NYAP2: variants seen among roughly 807,000 people sequenced by gnomAD.
NYAP2 encodes the protein neuronal tyrosine-phosphorylated phosphoinositide-3-kinase adapter 2.
NYAP2 carries 23 observed loss-of-function variants against 50.4 expected under a neutral mutation model. That is an observed-to-expected ratio of 0.46 (90% CI 0.33 to 0.65). NYAP2 has a LOEUF of 0.65. Among genes scored for constraint, NYAP2 ranks in the 30% least tolerant of loss-of-function variants. The pLI is 0.02. For synonymous variants in NYAP2, 394 were observed against 365.2 expected, an observed-to-expected ratio of 1.08 and a Z score of -0.90; for missense variants, 885 against 861.0, an observed-to-expected ratio of 1.03 and a Z score of -0.35.
chr2:225,518,116 A>T (rs1356538258), intron 4 of NYAP2, among the ~76,000 whole-genome samples: 1 of 152,062 alleles, frequency 6.6e-6, no homozygotes, highest in Admixed American at 6.6e-5. Flanking sequence ...ATTCATACAC[A>T]TACACACACA....
intron 5 of NYAP2, among the ~76,000 whole-genome samples, chr2:225,613,429 C>T (rs916447098): frequency 6.6e-6 from 1 of 152,162 alleles, no homozygotes; most frequent in Non-Finnish European, 1.5e-5. Context: ...GTCTTCCTCT[C>T]CCAGTCCACT....
In NYAP2 at chr2:225,614,505, A is replaced by T. The variant is rs185050621; in HGVS notation, c.1619-12412A>T. On this transcript the variant is annotated intron_variant, in intron 5 of 6. Coordinates refer to ENST00000636099, the Ensembl canonical transcript of NYAP2. ...TATTTACTAAAGCCAGAGGATTTAA[A>T]ATATCTATTCAATACTCAATAAAGA... 2.0e-5 allele frequency among the ~76,000 whole-genome samples: 3 copies of T among 152,318 alleles called. No individual in the cohort carries two copies. In the East Asian group the frequency reaches 5.8e-4, roughly 29 times the overall value.
intron 3 of NYAP2, among the ~76,000 whole-genome samples, chr2:225,423,178 A>G (rs186134701): frequency 3.5e-4 from 54 of 152,300 alleles, no homozygotes; most frequent in African/African-American, 1.2e-3. Context: ...CTCTGCAGTT[A>G]TATGATTGCA....
intron 4 of NYAP2, among the ~76,000 whole-genome samples, chr2:225,532,419 A>G (rs1691274206): frequency 6.6e-6 from 1 of 152,134 alleles, no homozygotes; most frequent in Non-Finnish European, 1.5e-5. Context: ...TTTTCTTGTT[A>G]AGTAGGAGGG....
At chr2:225,655,165 T>G (rs1693802665), downstream of NYAP2, among the ~76,000 whole-genome samples, 3 of 152,208 alleles carry the variant, frequency 2.0e-5, no homozygotes, top group Admixed American at 2.0e-4. Flanking sequence ...TGTAGAAATG[T>G]ATAATTGTAT....
At chr2:225,416,935 T>A (rs1040772193) in intron 3 of NYAP2, among the ~76,000 whole-genome samples, 1 of 152,118 alleles carries the variant, frequency 6.6e-6, no homozygotes, top group South Asian at 2.1e-4. Context: ...CCATGGCAAA[T>A]TGAATGATTA....
intron 3 of NYAP2, among the ~76,000 whole-genome samples, chr2:225,468,144 C>A (rs1014196718): frequency 1.3e-5 from 2 of 152,104 alleles, no homozygotes; most frequent in African/African-American, 2.4e-5. Flanking sequence ...ATAAATATAA[C>A]CTTATTTGGA....
intron 4 of NYAP2, among the ~76,000 whole-genome samples, chr2:225,540,921 AT>A (rs1481823576): frequency 6.6e-6 from 1 of 152,080 alleles, no homozygotes; most frequent in East Asian, 1.9e-4. Context: ...ATGAGGGTTC[AT>A]TTTTTTCCAT....
chr2:225,399,242 C>A (rs1005454069), upstream of NYAP2, among the ~76,000 whole-genome samples: 6 of 151,894 alleles, frequency 4.0e-5, no homozygotes, highest in African/African-American at 1.5e-4. Flanking sequence ...TATATTATTC[C>A]TTTTATCATA....
At chr2:225,471,672 T>G (rs1017875051) in intron 3 of NYAP2, among the ~76,000 whole-genome samples, 10 of 152,226 alleles carry the variant, frequency 6.6e-5, no homozygotes, top group Non-Finnish European at 1.3e-4. Flanking sequence ...GTGCTTTATG[T>G]AGGCATTATC....
intron 5 of NYAP2, among the ~76,000 whole-genome samples, chr2:225,611,612 CTATTA>C (rs751088209): frequency 1.2e-4 from 18 of 151,972 alleles, no homozygotes; most frequent in Non-Finnish European, 2.6e-4. Flanking sequence ...AAAAAATCAT[CTATTA>C]TATCTTTTCA....
At chr2:225,700,014 AGTTATT>A in the NYAP2 span, 286 of 151,954 alleles carry the variant, frequency 1.9e-3, no homozygotes, top group African/African-American at 6.6e-3. Flanking sequence ...GTGTTTTTGA[AGTTATT>A]GTTATAGCAG....
intron 4 of NYAP2, among the ~76,000 whole-genome samples, chr2:225,536,626 T>C (rs1168926891): frequency 1.3e-5 from 2 of 152,150 alleles, no homozygotes; most frequent in Non-Finnish European, 2.9e-5. Context: ...AATAATCACG[T>C]CAGGGCAAAT....
At chr2:225,606,977 ATTAATTAG>A (rs1387913178) in intron 5 of NYAP2, among the ~76,000 whole-genome samples, 1 of 152,128 alleles carries the variant, frequency 6.6e-6, no homozygotes, top group East Asian at 1.9e-4. Context: ...GTAAGGTATC[ATTAATTAG>A]TTAGAAAATC....
intron 4 of NYAP2, among the ~76,000 whole-genome samples, chr2:225,550,392 G>C (rs952246278): frequency 6.6e-6 from 1 of 152,088 alleles, no homozygotes; most frequent in African/African-American, 2.4e-5. Context: ...AGCTTAATTA[G>C]GTTGAGGACA....
intron 4 of NYAP2, among the ~76,000 whole-genome samples, chr2:225,533,399 A>G (rs1691292274): frequency 6.6e-6 from 1 of 152,188 alleles, no homozygotes; most frequent in South Asian, 2.1e-4. Flanking sequence ...TCTTTAAAAG[A>G]AAGCCAGCTG....
intron 4 of NYAP2, 30 bp from the exon 5 acceptor site, chr2:225,581,911 T>G: frequency 6.4e-7 from 1 of 1,571,544 alleles, no homozygotes; most frequent in East Asian, 2.3e-5. Flanking sequence ...ATTATACTCA[T>G]CTATTCCACT....
chr2:225,678,601 C>CT, the NYAP2 span, among the ~76,000 whole-genome samples: 1 of 152,064 alleles, frequency 6.6e-6, no homozygotes, highest in Non-Finnish European at 1.5e-5. Context: ...AGAAGTCAAT[C>CT]TTTTCTTCAA....
intron 3 of NYAP2, among the ~76,000 whole-genome samples, chr2:225,501,604 C>A (rs573818011): frequency 6.6e-6 from 1 of 152,278 alleles, no homozygotes; most frequent in African/African-American, 2.4e-5. Context: ...CTGAAAACAG[C>A]ATTCCATCAT....
Sources: gnomAD v4.1 joint callset for allele counts (sites outside exome capture counted in the v4.1 genomes callset) on GRCh38, gnomAD v4.1.1 for gene constraint, MANE v1.5 for transcripts, NCBI Gene and HGNC (gene_info 2026-07-23, HGNC 2026-07-21) for gene names.